ZNF831: variants seen among roughly 807,000 people sequenced by gnomAD.
ZNF831 encodes zinc finger protein 831, also known as chromosome 20 open reading frame 174.
In ZNF831, 59 loss-of-function variants were observed where a neutral mutation model predicts 95.8. The observed-to-expected ratio is 0.62, with a 90% CI of 0.50 to 0.77. The LOEUF is 0.77. Among genes scored for constraint, ZNF831 ranks in the 30% least tolerant of loss-of-function variants. The pLI is 0.00. For synonymous variants in ZNF831, 961 were observed against 925.5 expected (o/e 1.04, Z -0.70); for missense variants, 2,205 against 2,164.0 (o/e 1.02, Z -0.38).
intron 4 of ZNF831, among the ~76,000 whole-genome samples, chr20:59,215,041 A>T (rs939841309): frequency 7.2e-5 from 11 of 152,202 alleles, no homozygotes; most frequent in African/African-American, 2.7e-4. Flanking sequence ...AGCTTTGTAA[A>T]AAATTATTAT....
intron 3 of ZNF831, among the ~76,000 whole-genome samples, chr20:59,199,181 A>G (rs917223705): frequency 1.3e-5 from 2 of 151,760 alleles, no homozygotes; most frequent in African/African-American, 4.8e-5. Flanking sequence ...CTACTTCTTG[A>G]TTCATTTTCC....
chr20:59,218,318 C>G (rs2146666651), intron 4 of ZNF831, among the ~76,000 whole-genome samples: 1 of 152,276 alleles, frequency 6.6e-6, no homozygotes, highest in East Asian at 1.9e-4. Flanking sequence ...CAAACAGATT[C>G]CCTGGTTATC....
chr20:59,216,602 TAGAG>T (rs56242150), intron 4 of ZNF831, among the ~76,000 whole-genome samples: 2,261 of 152,184 alleles, frequency 0.015, 15 homozygotes, highest in South Asian at 0.03. Context: ...ACACACATGA[TAGAG>T]AGATGGCCAG....
At chr20:59,212,714 G>T (rs545377434) in intron 4 of ZNF831, among the ~76,000 whole-genome samples, 10 of 152,302 alleles carry the variant, frequency 6.6e-5, no homozygotes, top group Middle Eastern at 3.4e-3. Context: ...TTATAATCCA[G>T]ATGTTCTTTA....
At chr20:59,236,906 G>C (rs951216775) in intron 4 of ZNF831, among the ~76,000 whole-genome samples, 3 of 152,100 alleles carry the variant, frequency 2.0e-5, no homozygotes, top group Admixed American at 2.0e-4. Context: ...AATTGAGGGA[G>C]AAGTTATGAG....
intron 4 of ZNF831, among the ~76,000 whole-genome samples, chr20:59,213,493 C>T (rs1985479058): frequency 6.6e-6 from 1 of 152,218 alleles, no homozygotes. Flanking sequence ...GTTTACCAAG[C>T]TGCTAGGTCA....
chr20:59,182,869 G>C (rs779675407), intron 1 of ZNF831, among the ~76,000 whole-genome samples: 1 of 152,226 alleles, frequency 6.6e-6, no homozygotes, highest in Non-Finnish European at 1.5e-5. Context: ...TTAGGGAGGC[G>C]TTGTTTCTAA....
rs1159260714 is a variant in ZNF831, at chr20:59,194,723, G to C, written c.3704G>C (p.Ser1235Thr). 3 of 1,586,326 alleles carry C rather than the reference G, an allele frequency of 1.9e-6. No individual in the cohort carries two copies. Among genetic ancestry groups the C allele is most frequent in the Non-Finnish European group, 2.6e-6 (3 of 1,168,450 alleles). The change falls in exon 2 of 6, where the codon AGC (serine) becomes ACC (threonine). Residue 1235 changes from serine (S) to threonine (T), a missense_variant. Ser to Thr is a moderately conservative substitution (Grantham distance 58, BLOSUM62 1). Coordinates refer to ENST00000371030, the MANE Select transcript of ZNF831 (RefSeq NM_178457.3). ...PGSNGGWTWTSPGEGGPAQMS... is the reference protein window; with the variant it reads ...PGSNGGWTWTTPGEGGPAQMS... ...AGCAATGGAGGATGGACCTGGACAA[G>C]CCCTGGAGAAGGAGGGCCGGCGCAG... is the stretch of plus-strand genomic sequence containing the variant.
At position 59,173,629 on chromosome 20, in the gene ZNF831, T is replaced by C. The variant is rs569352966; in HGVS notation, c.-37+9422T>C. Among the ~76,000 whole-genome samples, 9 of 152,336 alleles carry C rather than the reference T, an allele frequency of 5.9e-5. No individual in the cohort carries two copies. In the East Asian group the frequency reaches 1.7e-3, roughly 29 times the overall value. ...GGCTTTATTAATTGTGATGCTTTTG[T>C]ACCTCACAGGTTACAAGAGTCACAT... On this transcript the variant is annotated intron_variant, in intron 1 of 5. Transcript: ENST00000371030.
At chr20:59,231,171 G>C (rs1986700480) in intron 4 of ZNF831, among the ~76,000 whole-genome samples, 1 of 152,190 alleles carries the variant, frequency 6.6e-6, no homozygotes, top group Non-Finnish European at 1.5e-5. Context: ...AGCCAGAAAT[G>C]AGTTACCCGG....
intron 4 of ZNF831, among the ~76,000 whole-genome samples, chr20:59,235,418 C>A (rs548779529): frequency 1.3e-5 from 2 of 152,226 alleles, no homozygotes; most frequent in Middle Eastern, 3.4e-3. Context: ...CTGCCCCCTG[C>A]CCCCAGGAGT....
At chr20:59,253,231 C>A in intron 5 of ZNF831, 93 bp downstream of exon 5, 1 of 1,415,520 alleles carries the variant, frequency 7.1e-7, no homozygotes, top group South Asian at 1.4e-5. Context: ...TGTGGCAGAA[C>A]TTGCTCGGAT....
intron 4 of ZNF831, among the ~76,000 whole-genome samples, chr20:59,223,627 C>T (rs1215926398): frequency 6.6e-6 from 1 of 152,110 alleles, no homozygotes; most frequent in Non-Finnish European, 1.5e-5. Flanking sequence ...CCTCGGTTTC[C>T]CCATCTGTAA....
In ZNF831 at chr20:59,194,036, A is replaced by G. The variant is rs1983857063; in HGVS notation, c.3017A>G (p.Glu1006Gly). The G allele has an allele frequency of 6.5e-7, 1 of 1,527,362 alleles. No individual in the cohort carries two copies. The highest frequency in any genetic ancestry group is 8.8e-7 in the Non-Finnish European group (1 of 1,139,344). 94.6% of individuals were successfully genotyped at this position (1,527,362 alleles called of 1,614,324 possible). The change falls in exon 2 of 6, where the codon GAG becomes GGG. Residue 1006 changes from glutamate to glycine, a missense_variant. Glu to Gly is a moderately conservative substitution (Grantham distance 98). Transcript: ENST00000371030. ...CCAGGTGAGGCGGACAGCATCCTGGAGGACCCCAGCTGTTCCAGGCCACAG... is the reference window on the plus strand; with the variant it reads ...CCAGGTGAGGCGGACAGCATCCTGGGGGACCCCAGCTGTTCCAGGCCACAG... ...PSPGEADSIL[E>G]DPSCSRPQDG...
At position 59,192,327 on chromosome 20, in the gene ZNF831, A is replaced by T. The variant is rs2146563672; in HGVS notation, c.1308A>T (p.Lys436Asn). 1 of 1,601,528 alleles carries T rather than the reference A, an allele frequency of 6.2e-7. No individual in the cohort carries two copies. The highest frequency in any genetic ancestry group is 8.5e-7 in the Non-Finnish European group (1 of 1,174,324). The change falls in exon 2 of 6, where the codon AAA becomes AAT. Residue 436 changes from lysine (K) to asparagine (N), a missense_variant. By Grantham distance (94) the Lys-to-Asn change is moderately conservative. Transcript: ENST00000371030. This position sits in a 1 kb window ranked among gnomAD's most constrained non-coding sequence, Gnocchi z 5.2. ...GGCCCCGGAAGACCGGGCTGTCCAA[A>T]CAGGGCAGCATCGACCTGCCCACGC... ...NVRPRKTGLSKQGSIDLPTPY... is the reference protein window; with the variant it reads ...NVRPRKTGLSNQGSIDLPTPY...
At chr20:59,173,459 A>T (rs968371774) in intron 1 of ZNF831, among the ~76,000 whole-genome samples, 4 of 152,164 alleles carry the variant, frequency 2.6e-5, no homozygotes, top group African/African-American at 9.7e-5. Flanking sequence ...TCTCTCTGTA[A>T]GTGCTCAAGG....
rs773375248 is a variant in ZNF831 at position 59,192,889 on chromosome 20, G to C, written c.1870G>C (p.Gly624Arg). ...CTCCCAGGAGAAGTGGCAGGTGTAC[G>C]GGGATGAGACGTTCAAAAGGATCTA... Reference protein sequence around the residue: ...MFSQEKWQVYGDETFKRIYQK... With the variant: ...MFSQEKWQVYRDETFKRIYQK... Residue 624 changes from glycine (G) to arginine (R), a missense_variant, in exon 2 of 6, where the codon GGG (glycine) becomes CGG (arginine). Transcript: ENST00000371030. The surrounding 1 kb of genome is among the most constrained non-coding windows in gnomAD (Gnocchi z 5.2). 2 of 1,596,660 alleles carry C rather than the reference G, an allele frequency of 1.3e-6. No individual in the cohort carries two copies. The highest frequency in any genetic ancestry group is 1.7e-6 in the Non-Finnish European group (2 of 1,172,420).
intron 1 of ZNF831, among the ~76,000 whole-genome samples, chr20:59,130,607 T>A (rs151077604): frequency 6.6e-6 from 1 of 152,136 alleles, no homozygotes; most frequent in Non-Finnish European, 1.5e-5. Context: ...CAAAGGCACT[T>A]TGGAAAGGCA....
At chr20:59,155,127 T>C (rs1179890608) in intron 2 of ZNF831, among the ~76,000 whole-genome samples, 1 of 152,216 alleles carries the variant, frequency 6.6e-6, no homozygotes, top group African/African-American at 2.4e-5. Flanking sequence ...GGAGGGATAA[T>C]GTCTTCCTCT....
Sources: allele counts gnomAD v4.1 joint callset (sites outside exome capture counted in the v4.1 genomes callset), GRCh38; gene constraint gnomAD v4.1.1; non-coding constraint Gnocchi (gnomAD v3.1); transcripts MANE v1.5; gene names NCBI Gene and HGNC (gene_info 2026-07-23, HGNC 2026-07-21).